DPP10: variants seen among roughly 807,000 people sequenced by gnomAD.
The protein encoded by DPP10 is dipeptidyl peptidase like 10, also known as inactive dipeptidyl peptidase 10.
Under a neutral mutation model 120.9 loss-of-function variants are expected in DPP10, and 33 were observed. That is an observed-to-expected ratio of 0.27 (90% CI 0.21 to 0.37). DPP10 has a LOEUF of 0.37. Among genes scored for constraint, DPP10 ranks in the 10% least tolerant of loss-of-function variants. DPP10 has a pLI of 1.00. For synonymous variants in DPP10, 337 were observed against 326.1 expected (o/e 1.03, Z -0.36); for missense variants, 816 against 942.8 (o/e 0.87, Z 1.76).
intron 1 of DPP10, among the ~76,000 whole-genome samples, chr2:115,112,377 T>G (rs2049268621): frequency 6.6e-6 from 1 of 152,152 alleles, no homozygotes; most frequent in Non-Finnish European, 1.5e-5. Context: ...TACATTATTT[T>G]TCTTTTACTT....
chr2:114,545,843 C>T (rs569714564), intron 1 of DPP10, among the ~76,000 whole-genome samples: 3 of 152,180 alleles, frequency 2.0e-5, no homozygotes, highest in African/African-American at 4.8e-5. Context: ...TTCTTTATAC[C>T]GCAACCCATG....
chr2:114,733,201 C>T (rs1677088190), intron 1 of DPP10, among the ~76,000 whole-genome samples: 2 of 152,172 alleles, frequency 1.3e-5, no homozygotes, highest in Non-Finnish European at 2.9e-5. Context: ...CAGTAACTTC[C>T]TCTATATCCT....
At chr2:114,767,120 A>G (rs1680779738) in intron 1 of DPP10, among the ~76,000 whole-genome samples, 1 of 145,764 alleles carries the variant, frequency 6.9e-6, no homozygotes, top group Non-Finnish European at 1.5e-5. Context: ...AAAAAAAAAA[A>G]GCTTAAAGCT....
At chr2:115,199,714 G>C (rs188196276) in intron 1 of DPP10, among the ~76,000 whole-genome samples, 1 of 152,072 alleles carries the variant, frequency 6.6e-6, no homozygotes, top group Non-Finnish European at 1.5e-5. Context: ...CATGTATCAA[G>C]ACTGAAGAGA....
At chr2:115,536,548 AT>A (rs1310856601) in intron 5 of DPP10, among the ~76,000 whole-genome samples, 10 of 152,018 alleles carry the variant, frequency 6.6e-5, no homozygotes, top group African/African-American at 2.2e-4. Flanking sequence ...TTTTACATTA[AT>A]TAGTGTTCTT....
At chr2:115,498,204 T>G (rs1288253820) in intron 3 of DPP10, among the ~76,000 whole-genome samples, 1 of 152,134 alleles carries the variant, frequency 6.6e-6, no homozygotes, top group African/African-American at 2.4e-5. Flanking sequence ...CCCTCTGTGT[T>G]ATTCTTGACT....
chr2:114,711,058 C>T (rs1287774390), intron 1 of DPP10, among the ~76,000 whole-genome samples: 1 of 151,894 alleles, frequency 6.6e-6, no homozygotes, highest in African/African-American at 2.4e-5. Context: ...GGACTTCATA[C>T]ACTTTCAAGG....
intron 3 of DPP10, chr2:115,469,083 G>A (rs988872105): frequency 2.9e-5 from 5 of 171,360 alleles, no homozygotes; most frequent in African/African-American, 1.2e-4. Flanking sequence ...GCACCACCAT[G>A]CCCGGCTAAT....
chr2:115,031,902 A>G (rs1414217168), intron 1 of DPP10, among the ~76,000 whole-genome samples: 1 of 152,142 alleles, frequency 6.6e-6, no homozygotes, highest in Non-Finnish European at 1.5e-5. Flanking sequence ...CACTCATCCT[A>G]TATATAATAT....
chr2:115,370,749 ACCTGG>A (rs2065354611), intron 3 of DPP10, among the ~76,000 whole-genome samples: 1 of 152,062 alleles, frequency 6.6e-6, no homozygotes, highest in South Asian at 2.1e-4. Context: ...TATCAGAATC[ACCTGG>A]TGGATTTGTT....
intron 1 of DPP10, among the ~76,000 whole-genome samples, chr2:114,825,162 A>G (rs1686420223): frequency 6.6e-6 from 1 of 152,206 alleles, no homozygotes; most frequent in Admixed American, 6.5e-5. Context: ...TGTAAAATCA[A>G]TCAGGGATCT....
At chr2:115,747,382 CCATGAATGGTTA>C (rs1678114784) in intron 10 of DPP10, among the ~76,000 whole-genome samples, 1 of 152,084 alleles carries the variant, frequency 6.6e-6, no homozygotes, top group Admixed American at 6.6e-5. Flanking sequence ...GATCTAGCAG[CCATGAATGGTTA>C]CGTTACAAAT....
intron 16 of DPP10, 41 bp downstream of exon 16, chr2:115,781,036 A>C: frequency 6.8e-7 from 1 of 1,477,536 alleles, no homozygotes; most frequent in Non-Finnish European, 9.2e-7. Context: ...TATTTTATTC[A>C]TTGTATTTGG....
intron 5 of DPP10, among the ~76,000 whole-genome samples, chr2:115,649,546 A>G (rs1052673332): frequency 2.0e-5 from 3 of 152,038 alleles, no homozygotes; most frequent in African/African-American, 7.2e-5. Flanking sequence ...ATTCTTTTAT[A>G]TCATCTTTTA....
intron 1 of DPP10, among the ~76,000 whole-genome samples, chr2:114,616,277 GT>G (rs1398072468): frequency 1.3e-5 from 2 of 152,092 alleles, no homozygotes; most frequent in Admixed American, 6.6e-5. Context: ...ATTGACTGTG[GT>G]TTTGGTGTAA....
intron 1 of DPP10, among the ~76,000 whole-genome samples, chr2:115,140,800 C>T (rs2050887421): frequency 6.6e-6 from 1 of 151,926 alleles, no homozygotes; most frequent in Non-Finnish European, 1.5e-5. Context: ...GATGGAGCTA[C>T]CATTTACTGA....
intron 1 of DPP10, among the ~76,000 whole-genome samples, chr2:114,634,818 A>G (rs1171363385): frequency 2.0e-5 from 3 of 151,942 alleles, no homozygotes; most frequent in Non-Finnish European, 2.9e-5. Context: ...GAAGAACACT[A>G]GAAACTTTTA....
chr2:114,879,339 A>C (rs1421563715), intron 1 of DPP10, among the ~76,000 whole-genome samples: 1 of 152,062 alleles, frequency 6.6e-6, no homozygotes, highest in Non-Finnish European at 1.5e-5. Flanking sequence ...ATCATCTGTC[A>C]CTATCATCAC....
chr2:115,726,703 A>G (rs752557673), intron 7 of DPP10, among the ~76,000 whole-genome samples: 1 of 152,268 alleles, frequency 6.6e-6, no homozygotes, highest in Admixed American at 6.5e-5. Context: ...TTGTTAAATC[A>G]CCAGAATTAA....
Sources: gnomAD v4.1 joint callset for allele counts (sites outside exome capture counted in the v4.1 genomes callset) on GRCh38, gnomAD v4.1.1 for gene constraint, MANE v1.5 for transcripts, NCBI Gene and HGNC (gene_info 2026-07-23, HGNC 2026-07-21) for gene names.